VEPH1: variants seen among roughly 807,000 people sequenced by gnomAD.
VEPH1 encodes ventricular zone expressed PH domain containing 1.
Under a neutral mutation model 85.2 loss-of-function variants are expected in VEPH1, and 80 were observed. The observed-to-expected ratio is 0.94, with a 90% CI of 0.78 to 1.13. VEPH1 has a LOEUF of 1.13. Among genes scored for constraint, VEPH1 ranks in the 50% most tolerant of loss-of-function variants. The pLI, the probability that VEPH1 is intolerant of heterozygous loss-of-function variation, is 0.00. For synonymous variants in VEPH1, 297 were observed against 348.0 expected (o/e 0.85, Z 1.63); for missense variants, 955 against 980.5 (o/e 0.97, Z 0.35).
chr3:157,445,106 T>C (rs1486267941), intron 4 of VEPH1, among the ~76,000 whole-genome samples: 1 of 152,156 alleles, frequency 6.6e-6, no homozygotes, highest in Non-Finnish European at 1.5e-5. Flanking sequence ...GATTGGAATA[T>C]GGTAATGGGC....
chr3:157,305,938 T>C (rs910091675), intron 11 of VEPH1, among the ~76,000 whole-genome samples: 6 of 152,210 alleles, frequency 3.9e-5, no homozygotes, highest in Admixed American at 3.9e-4. Flanking sequence ...TTAAACTTTG[T>C]TTTTCATGCT....
At chr3:157,375,506 A>G (rs149791491) in intron 7 of VEPH1, among the ~76,000 whole-genome samples, 1 of 152,322 alleles carries the variant, frequency 6.6e-6, no homozygotes, top group Non-Finnish European at 1.5e-5. Flanking sequence ...CATTAGGGCC[A>G]CACAATACAT....
chr3:157,329,441 T>C (rs779763889), intron 9 of VEPH1, among the ~76,000 whole-genome samples: 13 of 152,224 alleles, frequency 8.5e-5, no homozygotes, highest in Non-Finnish European at 1.6e-4. Context: ...GTCATAATCA[T>C]AAAATTATTT....
intron 6 of VEPH1, among the ~76,000 whole-genome samples, chr3:157,399,371 C>T (rs1730652886): frequency 6.6e-6 from 1 of 152,176 alleles, no homozygotes; most frequent in African/African-American, 2.4e-5. Context: ...TACGTGATTA[C>T]ATCAAAACAC....
rs1723987957 is a variant in VEPH1 at position 157,344,628 on chromosome 3, C to A, written c.1735+18736G>T. On this transcript the variant is annotated intron_variant, in intron 9 of 13. Transcript: ENST00000362010. ...AGGTAATTTATAGATCCAGTGCCAT[C>A]CCCATCAAGCTACCAATGACTTTCT... Among the ~76,000 whole-genome samples, 5 of 152,254 alleles carry A rather than the reference C, an allele frequency of 3.3e-5. No homozygotes were observed. In the South Asian group the frequency reaches 1.0e-3, roughly 32 times the overall value.
chr3:157,399,882 C>T (rs1730680791), intron 6 of VEPH1, among the ~76,000 whole-genome samples: 1 of 151,986 alleles, frequency 6.6e-6, no homozygotes, highest in African/African-American at 2.4e-5. Context: ...AGATAATTCT[C>T]CAACTTTGAG....
intron 6 of VEPH1, chr3:157,409,957 T>C: frequency 2.0e-6 from 2 of 982,676 alleles, no homozygotes; most frequent in Non-Finnish European, 2.4e-6. Context: ...TCATAGATTG[T>C]ATATTATATG....
intron 4 of VEPH1, among the ~76,000 whole-genome samples, chr3:157,445,457 T>A (rs1371365293): frequency 6.6e-6 from 1 of 151,982 alleles, no homozygotes; most frequent in Non-Finnish European, 1.5e-5. Flanking sequence ...CCGTTTCTAC[T>A]AAAAATACAA....
chr3:157,366,047 C>T (rs1369296041), intron 7 of VEPH1, among the ~76,000 whole-genome samples: 4 of 152,148 alleles, frequency 2.6e-5, no homozygotes, highest in African/African-American at 7.2e-5. Flanking sequence ...CTTCCTGTGA[C>T]CAGACCCAAT....
At chr3:157,442,633 G>T (rs899979858) in intron 4 of VEPH1, 1 of 1,614,216 alleles carries the variant, frequency 6.2e-7, no homozygotes, top group Non-Finnish European at 8.5e-7. Flanking sequence ...CTGGGAAGGT[G>T]GACCCACCTG....
At chr3:157,304,347 A>AT (rs1719230963) in intron 11 of VEPH1, among the ~76,000 whole-genome samples, 1 of 151,962 alleles carries the variant, frequency 6.6e-6, no homozygotes, top group Non-Finnish European at 1.5e-5. Flanking sequence ...ATTTTATTTT[A>AT]TTTTTTCTGT....
At chr3:157,485,594 A>G (rs191416084) in intron 2 of VEPH1, among the ~76,000 whole-genome samples, 1 of 152,134 alleles carries the variant, frequency 6.6e-6, no homozygotes, top group Admixed American at 6.5e-5. Flanking sequence ...TTCAGAAAAA[A>G]TATAAAAATA....
chr3:157,371,035 A>G (rs570812316), intron 7 of VEPH1, among the ~76,000 whole-genome samples: 23 of 152,364 alleles, frequency 1.5e-4, no homozygotes, highest in African/African-American at 5.5e-4. Context: ...AATTCAAGGC[A>G]TGGTAAAACC....
intron 9 of VEPH1, among the ~76,000 whole-genome samples, chr3:157,324,505 T>A (rs948845904): frequency 1.3e-5 from 2 of 152,106 alleles, no homozygotes; most frequent in Non-Finnish European, 2.9e-5. Flanking sequence ...CTCCCCACCC[T>A]CCAACAGGCC....
intron 13 of VEPH1, among the ~76,000 whole-genome samples, chr3:157,263,602 G>A (rs930668691): frequency 6.6e-6 from 1 of 152,098 alleles, no homozygotes; most frequent in African/African-American, 2.4e-5. Context: ...TCCAATAGCT[G>A]TCTAAATTGA....
intron 2 of VEPH1, among the ~76,000 whole-genome samples, chr3:157,480,475 C>T (rs967764478): frequency 1.1e-4 from 17 of 152,012 alleles, no homozygotes; most frequent in African/African-American, 3.4e-4. Flanking sequence ...TCTCTAGTCT[C>T]CAGTGTCTAT....
At chr3:157,414,239 A>G (rs1219386999) in intron 5 of VEPH1, 149 bp from the exon 6 acceptor site, 1 of 580,356 alleles carries the variant, frequency 1.7e-6, no homozygotes, top group Non-Finnish European at 3.0e-6. Flanking sequence ...GTACTCAGGC[A>G]AATCTCCCAA....
In VEPH1 at chr3:157,277,092, T is replaced by C. The variant is rs189960588; in HGVS notation, c.2128+9465A>G. On this transcript the variant is annotated intron_variant, in intron 12 of 13. Transcript: ENST00000362010. ...TTTTCGTAGATATGGGGTTATGCCA[T>C]ATTGCTTAAGCTGATCTCCAACTCC... Among the ~76,000 whole-genome samples the C allele has an allele frequency of 1.8e-3, 268 of 152,260 alleles. 2 individuals are homozygous for C. The highest frequency in any genetic ancestry group is 0.017 in the Middle Eastern group (5 of 294).
chr3:157,373,585 A>G (rs1183521079), intron 7 of VEPH1, among the ~76,000 whole-genome samples: 2 of 152,222 alleles, frequency 1.3e-5, no homozygotes, highest in Non-Finnish European at 2.9e-5. Context: ...ATCAGGGTCC[A>G]GGAAGAAGTG....
Sources: gnomAD v4.1 joint callset for allele counts (sites outside exome capture counted in the v4.1 genomes callset) on GRCh38, gnomAD v4.1.1 for gene constraint, MANE v1.5 for transcripts, NCBI Gene and HGNC (gene_info 2026-07-23, HGNC 2026-07-21) for gene names.